TMIE: variants seen among roughly 807,000 people sequenced by gnomAD.
The protein encoded by TMIE is transmembrane inner ear expressed protein.
In TMIE, 14 loss-of-function variants were observed where a neutral mutation model predicts 16.8. The observed-to-expected ratio is 0.83, with a 90% CI of 0.55 to 1.30. TMIE has a LOEUF of 1.30. TMIE is among the 50% of genes most tolerant of loss of function. The probability of loss-of-function intolerance (pLI) is 0.00; values close to 1 mark genes in which losing one functional copy is unlikely to be tolerated. For synonymous variants in TMIE, 75 were observed against 87.2 expected, an observed-to-expected ratio of 0.86 and a Z score of 0.78; for missense variants, 204 against 205.9, an observed-to-expected ratio of 0.99 and a Z score of 0.06.
At chr3:46,702,069 G>A (rs984321140) in intron 1 of TMIE, among the ~76,000 whole-genome samples, 1 of 152,162 alleles carries the variant, frequency 6.6e-6, no homozygotes, top group Non-Finnish European at 1.5e-5. Context: ...TGGAGGGGGA[G>A]ACATAGCCTT....
In TMIE at chr3:46,709,915, G is replaced by A; in HGVS notation, c.*227G>A. On this transcript the variant is annotated 3_prime_UTR_variant, in exon 4 of 4. Coordinates refer to ENST00000643606, the MANE Select transcript of TMIE (RefSeq NM_147196.3). Reference sequence around the variant, plus strand: ...TGGCTCCTTTCACCCCATCCACATGGGTACTGTCTCGGCAGAGGTGGTCTG... The same window carrying A: ...TGGCTCCTTTCACCCCATCCACATGAGTACTGTCTCGGCAGAGGTGGTCTG... 1 of 807,210 alleles carries A rather than the reference G, an allele frequency of 1.2e-6. No individual in the cohort carries two copies. 50.0% of individuals were successfully genotyped at this position (807,210 alleles called of 1,614,324 possible).
chr3:46,709,682 G>A lies in TMIE; in HGVS notation c.465G>A (p.Glu155=). 1.2e-6 allele frequency: 2 copies of A among 1,608,928 alleles called. No homozygotes were observed. Among genetic ancestry groups the A allele is most frequent in the South Asian group, 1.1e-5 (1 of 90,952 alleles). Residue 155 remains glutamate (E), a synonymous_variant, in exon 4 of 4, where the codon GAG becomes GAA. Transcript: ENST00000643606. ...EKNEAKKKKG[E]K is the part of the protein sequence containing the mutation. ...ATGAGGCCAAGAAGAAGAAAGGAGAGAAATGAAGACATCCTGGGCAGCTTG... is the reference window on the plus strand; with the variant it reads ...ATGAGGCCAAGAAGAAGAAAGGAGAAAAATGAAGACATCCTGGGCAGCTTG...
At chr3:46,708,601 C>T (rs892211173) in intron 2 of TMIE, among the ~76,000 whole-genome samples, 3 of 152,254 alleles carry the variant, frequency 2.0e-5, no homozygotes, top group Non-Finnish European at 4.4e-5. Context: ...GGTCTGTGCC[C>T]TCTCATGGGC....
chr3:46,706,904 C>T (rs1700558991), intron 2 of TMIE, among the ~76,000 whole-genome samples: 1 of 152,184 alleles, frequency 6.6e-6, no homozygotes, highest in African/African-American at 2.4e-5. Flanking sequence ...ATGAGGTGCC[C>T]CAGAGAGCTG....
At chr3:46,699,057 C>CTTTTT (rs1246748003), upstream of TMIE, among the ~76,000 whole-genome samples, 43 of 65,266 alleles carry the variant, frequency 6.6e-4, 1 homozygote, top group South Asian at 1.4e-3. Context: ...AATGGTGTTT[C>CTTTTT]TTATTTTTTT....
At position 46,709,246 on chromosome 3, in the gene TMIE, C is replaced by A. The variant is rs371918087; in HGVS notation, c.332C>A (p.Pro111His). 7.1e-5 allele frequency: 114 copies of A among 1,614,104 alleles called. No homozygotes were observed. The African/African-American group carries it at 1.5e-3, about 21-fold the overall frequency. The change falls in exon 3 of 4, where the codon CCC becomes CAC. Residue 111 changes from proline to histidine, a missense_variant. Coordinates refer to ENST00000643606, the MANE Select transcript of TMIE (RefSeq NM_147196.3). ...MYTDKLETVP[P>H]LNELTEVPGE... The stretch of plus-strand genomic sequence containing the variant: ...ACAGACAAGCTGGAGACTGTGCCAC[C>A]CCTCAATGAGCTCACAGAAGTCCCA...
chr3:46,703,129 T>TG, intron 1 of TMIE, among the ~76,000 whole-genome samples: 1 of 152,294 alleles, frequency 6.6e-6, no homozygotes, highest in South Asian at 2.1e-4. Context: ...TGGGCAGGGC[T>TG]GGGGGCCATG....
At position 46,709,253 on chromosome 3, in the gene TMIE, T is replaced by A; in HGVS notation, c.339T>A (p.Asn113Lys). ...TDKLETVPPL[N>K]ELTEVPGEDK... ...AGCTGGAGACTGTGCCACCCCTCAA[T>A]GAGCTCACAGAAGTCCCAGGAGGTG... Residue 113 changes from asparagine (N) to lysine (K), a missense_variant, in exon 3 of 4, where the codon AAT (asparagine) becomes AAA (lysine). Asn to Lys is a moderately conservative substitution (Grantham distance 94). Transcript: ENST00000643606. 2 of 1,613,572 alleles carry A rather than the reference T, an allele frequency of 1.2e-6. No individual in the cohort carries two copies. Among genetic ancestry groups the A allele is most frequent in the Non-Finnish European group, 1.7e-6 (2 of 1,179,550 alleles).
intron 1 of TMIE, among the ~76,000 whole-genome samples, chr3:46,702,890 C>T (rs188920609): frequency 1.3e-5 from 2 of 152,224 alleles, no homozygotes; most frequent in Admixed American, 1.3e-4. Context: ...ACTTGGGCCC[C>T]TCACAGGCTG....
intron 1 of TMIE, among the ~76,000 whole-genome samples, chr3:46,704,673 T>A (rs1161144509): frequency 3.7e-5 from 5 of 134,900 alleles, no homozygotes; most frequent in Non-Finnish European, 4.7e-5. Context: ...CAGGGTCATG[T>A]CCCTAGACAC....
chr3:46,695,647 G>A (rs988929335), intron 1 of TMIE, among the ~76,000 whole-genome samples: 4 of 152,144 alleles, frequency 2.6e-5, no homozygotes, highest in African/African-American at 7.2e-5. Flanking sequence ...GCAAGGCCCC[G>A]AGCAGGACAG....
chr3:46,696,600 G>T, upstream of TMIE, among the ~76,000 whole-genome samples: 1 of 152,010 alleles, frequency 6.6e-6, no homozygotes, highest in East Asian at 1.9e-4. Flanking sequence ...CTTTGTGACT[G>T]GGGGTCCTCA....
upstream of TMIE, among the ~76,000 whole-genome samples, chr3:46,700,283 G>T (rs1700453942): frequency 6.6e-6 from 1 of 152,180 alleles, no homozygotes; most frequent in Non-Finnish European, 1.5e-5. Context: ...TCCGGGCCCT[G>T]ACACTGGCAG....
chr3:46,701,441 C>T lies in TMIE; in HGVS notation c.-47C>T, dbSNP rs1575467842. On this transcript the variant is annotated 5_prime_UTR_variant, in exon 1 of 4. Transcript: ENST00000643606. The surrounding 1 kb of genome is among the most constrained non-coding windows in gnomAD (Gnocchi z 4.3). ...GGCTGGCAGGGGCAGTGACCGGCGG[C>T]CGGCCCGTTCGTCCCTGGGCTCCGC... The T allele has an allele frequency of 2.8e-6, 4 of 1,404,178 alleles. No homozygotes were observed. Among genetic ancestry groups the T allele is most frequent in the Non-Finnish European group, 3.7e-6 (4 of 1,071,396 alleles). The allele number at this position is 1,404,178 out of a possible 1,614,324, so 87.0% of individuals were successfully genotyped here. A position where few individuals can be genotyped will look rare whatever the true frequency, so the allele number is the denominator to read the frequency against.
intron 3 of TMIE, 65 bp from the exon 4 acceptor site, chr3:46,709,514 A>G (rs2106787394): frequency 6.2e-7 from 1 of 1,613,810 alleles, no homozygotes; most frequent in Non-Finnish European, 8.5e-7. Context: ...TCTTCCCCTC[A>G]GGACAGTCAG....
upstream of TMIE, among the ~76,000 whole-genome samples, chr3:46,697,117 A>AT (rs1700417646): frequency 3.1e-5 from 4 of 130,174 alleles, no homozygotes; most frequent in South Asian, 9.1e-4. Flanking sequence ...TCCCTCAAAG[A>AT]TGGGGGAAAA....
chr3:46,697,844 T>C (rs1195292837), upstream of TMIE, among the ~76,000 whole-genome samples: 1 of 151,896 alleles, frequency 6.6e-6, no homozygotes, highest in Non-Finnish European at 1.5e-5. Flanking sequence ...ACCCACACAT[T>C]TGATCACAGA....
Position 46,701,551 on chromosome 3 carries a change from C to T in TMIE, c.64C>T (p.Leu22Phe), listed in dbSNP as rs1700477304. The T allele has an allele frequency of 1.6e-6, 2 of 1,289,068 alleles. No individual in the cohort carries two copies. The highest frequency in any genetic ancestry group is 2.5e-5 in the South Asian group (1 of 39,338). The allele number at this position is 1,289,068 out of a possible 1,614,324, so 79.9% of individuals were successfully genotyped here. The change falls in exon 1 of 4, where the codon CTC (leucine) becomes TTC (phenylalanine). Residue 22 changes from leucine to phenylalanine, a missense_variant. Physicochemically the swap from Leu to Phe is conservative, Grantham distance 22 (BLOSUM62 0). Coordinates refer to ENST00000643606, the MANE Select transcript of TMIE (RefSeq NM_147196.3). The surrounding 1 kb of genome is among the most constrained non-coding windows in gnomAD (Gnocchi z 4.3). ...VLGGAALGVC[L>F]AGVAGQLVEP... ...GGGCGGCGCCGCACTCGGGGTGTGCCTCGCGGGGGTTGCCGGGCAGCTGGT... is the reference window on the plus strand; with the variant it reads ...GGGCGGCGCCGCACTCGGGGTGTGCTTCGCGGGGGTTGCCGGGCAGCTGGT...
At chr3:46,705,405 C>G (rs1700538413) in intron 1 of TMIE, among the ~76,000 whole-genome samples, 1 of 152,186 alleles carries the variant, frequency 6.6e-6, no homozygotes, top group South Asian at 2.1e-4. Context: ...GCCAGTTAGC[C>G]AGCACCCCCC....
Sources: allele counts gnomAD v4.1 joint callset (sites outside exome capture counted in the v4.1 genomes callset), GRCh38; gene constraint gnomAD v4.1.1; non-coding constraint Gnocchi (gnomAD v3.1); transcripts MANE v1.5; gene names NCBI Gene and HGNC (gene_info 2026-07-23, HGNC 2026-07-21).